The following DSE variants were observed in gnomAD, a reference collection of about 807,000 sequenced individuals.
The protein encoded by DSE is dermatan sulfate epimerase.
A neutral mutation model predicts 84.4 loss-of-function variants in DSE; 36 were observed. The ratio of observed to expected loss-of-function variants is 0.43; its 90% CI spans 0.33 to 0.56. The LOEUF (loss-of-function observed/expected upper bound fraction) is 0.56. Among genes scored for constraint, DSE ranks in the 20% least tolerant of loss-of-function variants. DSE has a pLI of 0.06. For synonymous variants in DSE, 410 were observed against 430.1 expected, an observed-to-expected ratio of 0.95 and a Z score of 0.58; for missense variants, 862 against 1,169.6, an observed-to-expected ratio of 0.74 and a Z score of 3.84.
At chr6:116,265,492 G>T (rs1448440791) in intron 2 of DSE, among the ~76,000 whole-genome samples, 1 of 152,122 alleles carries the variant, frequency 6.6e-6, no homozygotes, top group African/African-American at 2.4e-5. Context: ...CCATACAGAC[G>T]TGCTAGCAAA....
At chr6:116,257,612 G>A (rs1054713809) in intron 1 of DSE, among the ~76,000 whole-genome samples, 1 of 152,210 alleles carries the variant, frequency 6.6e-6, no homozygotes, top group Non-Finnish European at 1.5e-5. Context: ...AACAGATTTG[G>A]TGTCTGGTGA....
At chr6:116,370,019 C>T, upstream of DSE, 1 of 1,175,818 alleles carries the variant, frequency 8.5e-7, no homozygotes, top group Non-Finnish European at 1.1e-6. Context: ...GCAAAGTATT[C>T]CTGAGGTGAT....
intron 2 of DSE, among the ~76,000 whole-genome samples, chr6:116,345,263 C>T (rs1010216664): frequency 4.6e-5 from 7 of 152,138 alleles, no homozygotes; most frequent in Admixed American, 1.3e-4. Context: ...CTGCACCAAG[C>T]GGACCTAATA....
Position 116,437,016 on chromosome 6 carries a change from A to G in DSE, c.2548A>G (p.Ile850Val), listed in dbSNP as rs1384970167. 6 of 1,614,170 alleles carry G rather than the reference A, an allele frequency of 3.7e-6. No individual in the cohort carries two copies. Among genetic ancestry groups the G allele is most frequent in the South Asian group, 1.1e-5 (1 of 91,084 alleles). ...GATTTTGGCACAGAAAGAACTACCC[A>G]TAGATGAAGATGAAGAAATGAAAGA... ...AQILAQKELP[I>V]DEDEEMKDLL... The change falls in exon 6 of 6, where the codon ATA (isoleucine) becomes GTA (valine). Residue 850 changes from isoleucine to valine, a missense_variant. Ile to Val is a conservative substitution (Grantham distance 29, BLOSUM62 3). Coordinates refer to ENST00000644252, the MANE Select transcript of DSE (RefSeq NM_013352.4).
At chr6:116,293,947 G>T (rs1469869499) in intron 2 of DSE, among the ~76,000 whole-genome samples, 1 of 152,010 alleles carries the variant, frequency 6.6e-6, no homozygotes, top group Non-Finnish European at 1.5e-5. Flanking sequence ...TTTGTCTAAA[G>T]TATGTTTTTA....
intron 2 of DSE, among the ~76,000 whole-genome samples, chr6:116,330,216 A>G (rs961369352): frequency 6.6e-6 from 1 of 152,232 alleles, no homozygotes; most frequent in Non-Finnish European, 1.5e-5. Context: ...GCATGATTAC[A>G]TAGTCAAAAT....
intron 2 of DSE, among the ~76,000 whole-genome samples, chr6:116,343,820 G>T (rs946490361): frequency 6.6e-6 from 1 of 152,080 alleles, no homozygotes; most frequent in Non-Finnish European, 1.5e-5. Context: ...TCAGACGATC[G>T]GTAATAACAA....
intron 2 of DSE, among the ~76,000 whole-genome samples, chr6:116,419,337 G>A (rs1410863043): frequency 6.6e-6 from 1 of 152,072 alleles, no homozygotes; most frequent in Non-Finnish European, 1.5e-5. Flanking sequence ...TAAAATGGAG[G>A]GAAAAAAGAT....
At chr6:116,418,428 A>C (rs1223436921) in intron 2 of DSE, among the ~76,000 whole-genome samples, 1 of 152,072 alleles carries the variant, frequency 6.6e-6, no homozygotes, top group Non-Finnish European at 1.5e-5. Flanking sequence ...CCCTGGACCA[A>C]CTCTACCTTA....
chr6:116,370,499 A>G, upstream of DSE: 1 of 986,406 alleles, frequency 1.0e-6, no homozygotes, highest in Non-Finnish European at 1.2e-6. Flanking sequence ...CAGTCCCGGT[A>G]GTAAGAGTCT....
At chr6:116,274,100 G>A (rs147619918) in intron 2 of DSE, among the ~76,000 whole-genome samples, 6,042 of 151,828 alleles carry the variant, frequency 0.04, 411 homozygotes, top group African/African-American at 0.14. Flanking sequence ...AAAGTGCTGG[G>A]ATTTCAGGCG....
rs1210281730 is a variant in DSE, at chr6:116,442,875, C to G, written c.*5530C>G. 1 of 152,178 alleles carries G rather than the reference C, an allele frequency of 6.6e-6. No individual in the cohort carries two copies. Among genetic ancestry groups the G allele is most frequent in the Non-Finnish European group, 1.5e-5 (1 of 68,062 alleles). The allele number at this position is 152,178 out of a possible 1,614,324, so 9.4% of individuals were successfully genotyped here. A position where few individuals can be genotyped will look rare whatever the true frequency, so the allele number is the denominator to read the frequency against. On this transcript the variant is annotated 3_prime_UTR_variant, in exon 6 of 6. Coordinates refer to ENST00000644252, the MANE Select transcript of DSE (RefSeq NM_013352.4). ...TGGGTGAGGGGTGTTGATGATGCCA[C>G]ATATACCTGTGTGTATGTGAAACTT...
chr6:116,257,890 G>C (rs1582899693), intron 1 of DSE, among the ~76,000 whole-genome samples: 1 of 152,112 alleles, frequency 6.6e-6, no homozygotes, highest in Non-Finnish European at 1.5e-5. Flanking sequence ...TCTATAGCCT[G>C]CCCCCATCCA....
chr6:116,328,876 C>A (rs923675077), intron 2 of DSE, among the ~76,000 whole-genome samples: 2 of 152,038 alleles, frequency 1.3e-5, no homozygotes, highest in Non-Finnish European at 2.9e-5. Context: ...GAGTAGTTCA[C>A]CCCTAGTACA....
intron 2 of DSE, among the ~76,000 whole-genome samples, chr6:116,305,893 C>T (rs1401018727): frequency 1.3e-5 from 2 of 152,164 alleles, no homozygotes; most frequent in African/African-American, 4.8e-5. Context: ...CCACCCACTT[C>T]AGCCTCCCAA....
chr6:116,372,700 A>T (rs1422933425), intron 1 of DSE, among the ~76,000 whole-genome samples: 1 of 152,200 alleles, frequency 6.6e-6, no homozygotes, highest in Non-Finnish European at 1.5e-5. Flanking sequence ...TATGTAGGTA[A>T]GGTCTGTTCT....
intron 2 of DSE, among the ~76,000 whole-genome samples, chr6:116,320,991 G>A (rs1776272396): frequency 6.6e-6 from 1 of 152,162 alleles, no homozygotes; most frequent in Non-Finnish European, 1.5e-5. Context: ...GAGCTGACAT[G>A]CTGCACATGT....
chr6:116,271,852 C>T (rs184128001), intron 2 of DSE, among the ~76,000 whole-genome samples: 1 of 152,058 alleles, frequency 6.6e-6, no homozygotes, highest in Non-Finnish European at 1.5e-5. Context: ...TTTACTTACA[C>T]TAAAATGCAT....
chr6:116,366,854 G>A (rs1158309681), upstream of DSE: 3 of 152,226 alleles, frequency 2.0e-5, no homozygotes, highest in Non-Finnish European at 4.4e-5. Flanking sequence ...GATAAAAGGA[G>A]ACACGTATGG....
Sources: allele counts gnomAD v4.1 joint callset (sites outside exome capture counted in the v4.1 genomes callset), GRCh38; gene constraint gnomAD v4.1.1; transcripts MANE v1.5; gene names NCBI Gene and HGNC (gene_info 2026-07-23, HGNC 2026-07-21).